The following FGD5 variants were observed in gnomAD, a reference collection of about 807,000 sequenced individuals.
The protein encoded by FGD5 is FYVE, RhoGEF and PH domain-containing protein 5.
Under a neutral mutation model 133.4 loss-of-function variants are expected in FGD5, and 28 were observed. The observed-to-expected ratio is 0.21, with a 90% CI of 0.16 to 0.29. FGD5 has a LOEUF of 0.29. Among genes scored for constraint, FGD5 ranks in the 10% least tolerant of loss-of-function variants. The pLI, the probability that FGD5 is intolerant of heterozygous loss-of-function variation, is 1.00. For missense variants in FGD5, 1,858 were observed against 1,895.2 expected (o/e 0.98, Z 0.36); for synonymous variants, 810 against 776.5 (o/e 1.04, Z -0.72).
At chr3:14,856,404 T>A (rs1052463900) in intron 1 of FGD5, among the ~76,000 whole-genome samples, 2 of 152,204 alleles carry the variant, frequency 1.3e-5, no homozygotes, top group African/African-American at 4.8e-5. Flanking sequence ...TCTGTTTCTG[T>A]GAAGAATGTC....
intron 11 of FGD5, among the ~76,000 whole-genome samples, chr3:14,913,449 C>T (rs371498441): frequency 1.3e-5 from 2 of 152,270 alleles, no homozygotes; most frequent in East Asian, 1.9e-4. Context: ...GAGGCCATAC[C>T]GGATGGCAAT....
At position 14,820,330 on chromosome 3, in the gene FGD5, A is replaced by AGGC; in HGVS notation, c.1260_1262dup (p.Ala421dup). 1 of 1,610,412 alleles carries AGGC rather than the reference A, an allele frequency of 6.2e-7. No individual in the cohort carries two copies. The highest frequency in any genetic ancestry group is 8.5e-7 in the Non-Finnish European group (1 of 1,177,852). On this transcript the variant is annotated inframe_insertion, in exon 1 of 20. Transcript: ENST00000285046. ...GATGTGGTGGTCGTGCTGGAGGAGG[A>AGGC]GGCCTTGGATGATGCACTGGCCAAC... is the stretch of plus-strand genomic sequence containing the variant.
intron 4 of FGD5, among the ~76,000 whole-genome samples, chr3:14,890,344 G>A (rs2038003142): frequency 6.6e-6 from 1 of 152,162 alleles, no homozygotes; most frequent in South Asian, 2.1e-4. Context: ...TCCTGGCTTT[G>A]GAAGAATTAC....
chr3:14,857,932 G>GAA (rs564560618), intron 1 of FGD5, among the ~76,000 whole-genome samples: 81 of 142,064 alleles, frequency 5.7e-4, no homozygotes, highest in Non-Finnish European at 9.3e-4. Flanking sequence ...GATGAAACTG[G>GAA]AAAAAAAAAA....
chr3:14,925,100 C>CAAAAAA (rs10714568), intron 17 of FGD5, among the ~76,000 whole-genome samples: 1 of 71,808 alleles, frequency 1.4e-5, no homozygotes, highest in Non-Finnish European at 2.4e-5. Flanking sequence ...GACTCTGTCT[C>CAAAAAA]AAAAAAAAAA....
intron 2 of FGD5, among the ~76,000 whole-genome samples, chr3:14,879,887 AAG>A (rs1244974641): frequency 6.6e-6 from 1 of 152,180 alleles, no homozygotes; most frequent in Non-Finnish European, 1.5e-5. Flanking sequence ...AGCAAGAGAA[AAG>A]AGAGAATTCC....
intron 13 of FGD5, among the ~76,000 whole-genome samples, chr3:14,920,678 C>T (rs1288468763): frequency 6.6e-6 from 1 of 152,196 alleles, no homozygotes; most frequent in African/African-American, 2.4e-5. Context: ...GCATTGGACA[C>T]CTGTCAGGCC....
intron 4 of FGD5, among the ~76,000 whole-genome samples, chr3:14,886,522 A>G (rs67390702): frequency 0.056 from 8,549 of 152,200 alleles, 452 homozygotes; most frequent in African/African-American, 0.14. Context: ...CCATGGCCAG[A>G]CCCAAAGGCG....
chr3:14,810,821 G>A (rs1456090132), upstream of FGD5: 2 of 984,586 alleles, frequency 2.0e-6, no homozygotes, highest in East Asian at 1.1e-4. Flanking sequence ...GGACTGAAAC[G>A]CCGACGGCGG....
At chr3:14,872,810 G>A (rs1039545009) in intron 2 of FGD5, among the ~76,000 whole-genome samples, 4 of 152,190 alleles carry the variant, frequency 2.6e-5, no homozygotes, top group African/African-American at 7.2e-5. Context: ...TCAGTCTCTT[G>A]TCCAGTCAAT....
At chr3:14,921,058 C>T (rs758917656) in intron 13 of FGD5, among the ~76,000 whole-genome samples, 1 of 152,242 alleles carries the variant, frequency 6.6e-6, no homozygotes, top group Non-Finnish European at 1.5e-5. Context: ...ACGATCCACA[C>T]GTGGGCCTTC....
chr3:14,923,186 G>A lies in FGD5; in HGVS notation c.3937+11G>A, dbSNP rs764281876. On this transcript the variant is annotated intron_variant, in intron 16 of 19. Transcript: ENST00000285046. ...CGGGCCTGATGAGAGGTAACCTGGG[G>A]ACCACTTGCCTTCTTCCAAGTGGCC... is the stretch of plus-strand genomic sequence containing the variant. The A allele has an allele frequency of 6.2e-7, 1 of 1,609,568 alleles. No homozygotes were observed. The highest frequency in any genetic ancestry group is 1.1e-5 in the South Asian group (1 of 90,564).
At chr3:14,909,392 T>C (rs1419260985) in intron 10 of FGD5, among the ~76,000 whole-genome samples, 3 of 152,192 alleles carry the variant, frequency 2.0e-5, no homozygotes, top group Non-Finnish European at 4.4e-5. Context: ...TAACAATAGT[T>C]CCACGGGTCA....
chr3:14,825,474 T>C (rs2036582915), intron 1 of FGD5, among the ~76,000 whole-genome samples: 1 of 151,822 alleles, frequency 6.6e-6, no homozygotes, highest in South Asian at 2.1e-4. Context: ...TATATATATA[T>C]ATATGTACAC....
At chr3:14,845,427 G>T (rs1363669147) in intron 1 of FGD5, among the ~76,000 whole-genome samples, 1 of 152,218 alleles carries the variant, frequency 6.6e-6, no homozygotes, top group African/African-American at 2.4e-5. Context: ...ATAAGCCAGT[G>T]CTTGAATACC....
chr3:14,931,250 GTTGTTT>G (rs2038894698), intron 18 of FGD5: 1 of 152,050 alleles, frequency 6.6e-6, no homozygotes, highest in African/African-American at 2.4e-5. Flanking sequence ...TTTTTTTGTT[GTTGTTT>G]TTGTTTTTAC....
chr3:14,874,822 C>A (rs2125112908), intron 2 of FGD5, among the ~76,000 whole-genome samples: 1 of 152,316 alleles, frequency 6.6e-6, no homozygotes, highest in East Asian at 1.9e-4. Flanking sequence ...TGGGCCAAAC[C>A]CACAGTCACA....
At chr3:14,932,986 A>G (rs2038924206) in intron 19 of FGD5, 145 bp from the exon 20 acceptor site, 2 of 1,076,998 alleles carry the variant, frequency 1.9e-6, no homozygotes, top group African/African-American at 3.2e-5. Flanking sequence ...AATATAGAAA[A>G]CATGTTTGAG....
intron 1 of FGD5, among the ~76,000 whole-genome samples, chr3:14,829,952 ATCCT>A (rs2036674992): frequency 4.6e-5 from 7 of 152,150 alleles, no homozygotes; most frequent in Admixed American, 4.6e-4. Flanking sequence ...CAAATAACAC[ATCCT>A]TGTAAAACCA....
Sources: allele counts gnomAD v4.1 joint callset (sites outside exome capture counted in the v4.1 genomes callset), GRCh38; gene constraint gnomAD v4.1.1; transcripts MANE v1.5; gene names NCBI Gene and HGNC (gene_info 2026-07-23, HGNC 2026-07-21).